Variants in LGI2 observed in about 807,000 individuals in gnomAD.
The protein encoded by LGI2 is leucine rich repeat LGI family member 2, also known as leucine-rich repeat LGI family member 2.
In LGI2, 30 loss-of-function variants were observed where a neutral mutation model predicts 52.0. The observed-to-expected ratio is 0.58, with a 90% CI of 0.43 to 0.78. The LOEUF is 0.78. LGI2 is among the 30% of genes least tolerant of loss of function. LGI2 has a pLI of 0.00. For missense variants in LGI2, 573 were observed against 692.5 expected (o/e 0.83, Z 1.94); for synonymous variants, 270 against 271.8 (o/e 0.99, Z 0.06).
rs1560286079 is a variant in LGI2, at chr4:25,002,540, C to A, written c.*911G>T. 6.6e-6 allele frequency: 1 copy of A among 152,606 alleles called. No homozygotes were observed. The highest frequency in any genetic ancestry group is 2.1e-4 in the South Asian group (1 of 4,832). 9.5% of individuals were successfully genotyped at this position (152,606 alleles called of 1,614,324 possible). On this transcript the variant is annotated 3_prime_UTR_variant, in exon 8 of 8. Transcript: ENST00000382114. Reference sequence around the variant, plus strand: ...CCTTTGACTTCATAAAATCTCACTTCAAAAATTCTACCGAATGCTCATCAG... The same window carrying A: ...CCTTTGACTTCATAAAATCTCACTTAAAAAATTCTACCGAATGCTCATCAG...
chr4:24,999,746 C>G lies in LGI2; in HGVS notation c.*3705G>C. 2.2e-6 allele frequency: 1 copy of G among 450,530 alleles called. No individual in the cohort carries two copies. The highest frequency in any genetic ancestry group is 1.6e-5 in the South Asian group (1 of 63,486). 27.9% of individuals were successfully genotyped at this position (450,530 alleles called of 1,614,324 possible). A position where few individuals can be genotyped will look rare whatever the true frequency, so the allele number is the denominator to read the frequency against. ...AACCTCTGGCATCCCATGCTGATTT[C>G]TTTCCTAAAAATACACAGACTCTCA... On this transcript the variant is annotated 3_prime_UTR_variant, in exon 8 of 8. Coordinates refer to ENST00000382114, the MANE Select transcript of LGI2 (RefSeq NM_018176.4).
intron 3 of LGI2, among the ~76,000 whole-genome samples, chr4:25,025,639 G>A: frequency 6.6e-6 from 1 of 152,124 alleles, no homozygotes; most frequent in East Asian, 1.9e-4. Flanking sequence ...CTAGGCTCAG[G>A]GAGAACTAAA....
intron 6 of LGI2, among the ~76,000 whole-genome samples, chr4:25,012,948 G>T (rs74330292): frequency 0.046 from 6,953 of 152,288 alleles, 192 homozygotes; most frequent in East Asian, 0.097. Flanking sequence ...CTGAAGGGAA[G>T]AAGTCTGTTT....
chr4:24,995,023 G>T (rs1020847696), downstream of LGI2, among the ~76,000 whole-genome samples: 5 of 152,188 alleles, frequency 3.3e-5, no homozygotes, highest in African/African-American at 1.2e-4. Flanking sequence ...ATGCCTTCAA[G>T]AAATCTCCCT....
At chr4:24,995,140 G>T (rs1422050421), downstream of LGI2, among the ~76,000 whole-genome samples, 1 of 152,192 alleles carries the variant, frequency 6.6e-6, no homozygotes, top group Non-Finnish European at 1.5e-5. Context: ...CCCTTAAACA[G>T]TATGTGTGTT....
At chr4:24,996,479 T>A (rs565661124), downstream of LGI2, among the ~76,000 whole-genome samples, 34 of 152,308 alleles carry the variant, frequency 2.2e-4, no homozygotes, top group African/African-American at 7.9e-4. Flanking sequence ...TGACAATGTG[T>A]CCTGAATTCT....
At chr4:25,005,301 C>T (rs1168239584) in intron 7 of LGI2, among the ~76,000 whole-genome samples, 1 of 152,074 alleles carries the variant, frequency 6.6e-6, no homozygotes, top group African/African-American at 2.4e-5. Flanking sequence ...TGTATGTTGC[C>T]ACAATTAAAA....
downstream of LGI2, among the ~76,000 whole-genome samples, chr4:24,994,513 G>A (rs1411695256): frequency 1.3e-5 from 2 of 152,160 alleles, no homozygotes; most frequent in Non-Finnish European, 2.9e-5. Flanking sequence ...GGTGCAATGA[G>A]GTGAATTAGG....
chr4:25,026,831 C>A (rs1726165545), intron 3 of LGI2, 37 bp downstream of exon 3: 7 of 1,492,188 alleles, frequency 4.7e-6, no homozygotes, highest in Middle Eastern at 1.7e-4. Context: ...TACCAAGATA[C>A]CGAATGTTCA....
At chr4:25,015,988 G>A (rs368164511) in intron 6 of LGI2, among the ~76,000 whole-genome samples, 49 of 151,802 alleles carry the variant, frequency 3.2e-4, no homozygotes, top group African/African-American at 1.1e-3. Flanking sequence ...GCCTAGCGCT[G>A]ACTTTCTAAA....
In LGI2 at chr4:25,003,363, G is replaced by T. The variant is rs1725302921; in HGVS notation, c.*88C>A. 6 of 928,718 alleles carry T rather than the reference G, an allele frequency of 6.5e-6. No individual in the cohort carries two copies. The highest frequency in any genetic ancestry group is 9.6e-6 in the Non-Finnish European group (6 of 622,216). The allele number at this position is 928,718 out of a possible 1,614,324, so 57.5% of individuals were successfully genotyped here. ...GTGCTTTTTAATTTCAGAGCTCTGA[G>T]CCTGGCTTTGATTTGTTTGTTGATT... On this transcript the variant is annotated 3_prime_UTR_variant, in exon 8 of 8. Transcript: ENST00000382114.
chr4:25,010,202 C>G (rs1039654818), intron 7 of LGI2, among the ~76,000 whole-genome samples: 6 of 152,046 alleles, frequency 3.9e-5, no homozygotes, highest in Admixed American at 1.3e-4. Flanking sequence ...ATTGCTTGAA[C>G]CCGGGAGGCA....
chr4:25,022,299 TGA>T (rs1280216681), intron 4 of LGI2, among the ~76,000 whole-genome samples: 1 of 151,956 alleles, frequency 6.6e-6, no homozygotes. Context: ...AAAAGGCAGA[TGA>T]GAGAGAGCAA....
chr4:25,021,014 A>G (rs1725940705), intron 4 of LGI2, among the ~76,000 whole-genome samples: 1 of 152,142 alleles, frequency 6.6e-6, no homozygotes, highest in Admixed American at 6.5e-5. Context: ...AAAGTACAAC[A>G]ATGTTTTAGC....
At chr4:25,015,196 A>G (rs887650261) in intron 6 of LGI2, among the ~76,000 whole-genome samples, 9 of 152,360 alleles carry the variant, frequency 5.9e-5, no homozygotes, top group Admixed American at 5.9e-4. Context: ...GCAGAAAATA[A>G]ATTATACATG....
chr4:25,007,147 A>T (rs769939337), intron 7 of LGI2, among the ~76,000 whole-genome samples: 6 of 152,200 alleles, frequency 3.9e-5, no homozygotes, highest in African/African-American at 9.6e-5. Flanking sequence ...ATCCCATTGC[A>T]TGGATGCACC....
rs1725281472 is a variant in LGI2 at position 25,002,621 on chromosome 4, G to A, written c.*830C>T. On this transcript the variant is annotated 3_prime_UTR_variant, in exon 8 of 8. Coordinates refer to ENST00000382114, the MANE Select transcript of LGI2 (RefSeq NM_018176.4). Reference sequence around the variant, plus strand: ...ATGAAATGAAAAGCACCAGTCTTTGGCCTGCCTGCTGGTTACCCACAAACT... The same window carrying A: ...ATGAAATGAAAAGCACCAGTCTTTGACCTGCCTGCTGGTTACCCACAAACT... 1 of 152,592 alleles carries A rather than the reference G, an allele frequency of 6.6e-6. No homozygotes were observed. The highest frequency in any genetic ancestry group is 1.5e-5 in the Non-Finnish European group (1 of 68,044). The allele number at this position is 152,592 out of a possible 1,614,324, so 9.5% of individuals were successfully genotyped here.
chr4:25,016,994 C>T (rs1274490199), intron 6 of LGI2, among the ~76,000 whole-genome samples: 3 of 152,168 alleles, frequency 2.0e-5, no homozygotes, highest in African/African-American at 7.2e-5. Context: ...CTCACCAATA[C>T]CTTTGGCCCC....
chr4:24,993,139 T>A, the LGI2 span, among the ~76,000 whole-genome samples: 3 of 152,194 alleles, frequency 2.0e-5, no homozygotes, highest in African/African-American at 4.8e-5. Context: ...AGATAATAGC[T>A]ATAAAGCCTT....
Sources: allele counts gnomAD v4.1 joint callset (sites outside exome capture counted in the v4.1 genomes callset), GRCh38; gene constraint gnomAD v4.1.1; transcripts MANE v1.5; gene names NCBI Gene and HGNC (gene_info 2026-07-23, HGNC 2026-07-21).